Variants in EXOC2 observed in about 807,000 individuals in gnomAD.
EXOC2 encodes SEC5-like 1.
EXOC2 carries 70 observed loss-of-function variants against 131.8 expected under a neutral mutation model. That is an observed-to-expected ratio of 0.53 (90% confidence interval 0.44 to 0.65). The LOEUF (loss-of-function observed/expected upper bound fraction) is 0.65, where lower values mean the gene tolerates loss of function less well. Ranked by LOEUF, EXOC2 falls within the 30% of genes least tolerant of loss-of-function variation. The pLI is 0.00. For missense variants in EXOC2, 923 were observed against 1,108.6 expected (o/e 0.83, Z 2.38); for synonymous variants, 411 against 398.4 (o/e 1.03, Z -0.38).
chr6:515,616 C>G (rs1405561019), intron 23 of EXOC2, among the ~76,000 whole-genome samples: 4 of 151,290 alleles, frequency 2.6e-5, no homozygotes, highest in African/African-American at 9.7e-5. Flanking sequence ...CGTAATCATA[C>G]AACGATTTCC....
intron 21 of EXOC2, among the ~76,000 whole-genome samples, chr6:552,441 A>G (rs527505861): frequency 9.8e-5 from 15 of 152,372 alleles, no homozygotes; most frequent in South Asian, 4.1e-4. Flanking sequence ...CTGGGTGAAC[A>G]GAAGAACCAG....
chr6:597,360 A>G (rs1759876510), intron 10 of EXOC2, among the ~76,000 whole-genome samples: 1 of 151,932 alleles, frequency 6.6e-6, no homozygotes, highest in African/African-American at 2.4e-5. Context: ...TATTTTTAGT[A>G]GAGATGGGGT....
chr6:596,170 A>G (rs1384355690), intron 10 of EXOC2, among the ~76,000 whole-genome samples: 1 of 151,838 alleles, frequency 6.6e-6, no homozygotes, highest in African/African-American at 2.4e-5. Flanking sequence ...GGGTGGCAGC[A>G]TGCAAACACA....
intron 2 of EXOC2, among the ~76,000 whole-genome samples, 190 bp downstream of exon 2, chr6:637,511 T>C (rs750010865): frequency 1.2e-4 from 18 of 152,244 alleles, no homozygotes; most frequent in Non-Finnish European, 2.4e-4. Context: ...TAAGGCAAGA[T>C]TTGACAAAAT....
intron 22 of EXOC2, among the ~76,000 whole-genome samples, chr6:538,478 A>G (rs1766596499): frequency 6.6e-6 from 1 of 152,196 alleles, no homozygotes; most frequent in East Asian, 1.9e-4. Flanking sequence ...CAGTCTTATA[A>G]AGTGATGTGT....
chr6:548,608 T>C (rs952992629), intron 22 of EXOC2, among the ~76,000 whole-genome samples: 2 of 151,822 alleles, frequency 1.3e-5, no homozygotes, highest in African/African-American at 4.8e-5. Context: ...GATTGGAGAG[T>C]GGGGAGGACA....
chr6:655,452 T>G (rs1278215126), intron 1 of EXOC2, among the ~76,000 whole-genome samples: 1 of 152,268 alleles, frequency 6.6e-6, no homozygotes, highest in East Asian at 1.9e-4. Flanking sequence ...ATTTGCTTTT[T>G]GCAGTGGTCT....
intron 7 of EXOC2, among the ~76,000 whole-genome samples, chr6:603,168 G>T (rs1445478112): frequency 6.6e-6 from 1 of 152,102 alleles, no homozygotes; most frequent in Non-Finnish European, 1.5e-5. Flanking sequence ...CAGAAGGAAC[G>T]CCCCCTCACC....
chr6:587,910 A>C (rs943954970), intron 11 of EXOC2, among the ~76,000 whole-genome samples: 1 of 152,242 alleles, frequency 6.6e-6, no homozygotes, highest in Non-Finnish European at 1.5e-5. Context: ...TAAGAATTAC[A>C]TACTGAATTA....
chr6:541,702 A>G (rs1329578929), intron 22 of EXOC2, among the ~76,000 whole-genome samples: 2 of 152,250 alleles, frequency 1.3e-5, no homozygotes, highest in African/African-American at 4.8e-5. Flanking sequence ...AAATGGGCAA[A>G]GTCCTAGAAA....
At chr6:504,635 A>G (rs1459283107) in intron 23 of EXOC2, among the ~76,000 whole-genome samples, 1 of 152,214 alleles carries the variant, frequency 6.6e-6, no homozygotes, top group Non-Finnish European at 1.5e-5. Context: ...ACCCTACACC[A>G]ATCGTATGAC....
chr6:487,483 T>G (rs1763142891), intron 27 of EXOC2, among the ~76,000 whole-genome samples: 1 of 152,216 alleles, frequency 6.6e-6, no homozygotes, highest in Non-Finnish European at 1.5e-5. Context: ...TTCGGCTCAC[T>G]GCAACCTCCA....
At chr6:594,814 A>C (rs1328902303) in intron 10 of EXOC2, among the ~76,000 whole-genome samples, 1 of 152,210 alleles carries the variant, frequency 6.6e-6, no homozygotes, top group Admixed American at 6.5e-5. Flanking sequence ...CTCTTCAAAT[A>C]AGTTTCTTGT....
chr6:648,987 A>G (rs1448077670), intron 1 of EXOC2, among the ~76,000 whole-genome samples: 4 of 152,078 alleles, frequency 2.6e-5, no homozygotes, highest in African/African-American at 7.2e-5. Flanking sequence ...TGCTGGGATT[A>G]CAGGCATGAG....
intron 13 of EXOC2, among the ~76,000 whole-genome samples, chr6:566,394 A>T (rs2127588145): frequency 6.6e-6 from 1 of 152,344 alleles, no homozygotes; most frequent in Non-Finnish European, 1.5e-5. Flanking sequence ...CTGAGACAGC[A>T]GCAGGTGAGC....
chr6:532,438 C>A, intron 23 of EXOC2, 31 bp downstream of exon 23: 1 of 1,508,458 alleles, frequency 6.6e-7, no homozygotes, highest in Non-Finnish European at 8.8e-7. Flanking sequence ...AGTATATCCA[C>A]ATCTATTACT....
At chr6:635,265 T>C (rs917843844) in intron 2 of EXOC2, among the ~76,000 whole-genome samples, 1 of 152,234 alleles carries the variant, frequency 6.6e-6, no homozygotes, top group Non-Finnish European at 1.5e-5. Context: ...ATTTCAGATA[T>C]AAAGTATTAA....
At chr6:683,137 C>A (rs796977044) in intron 1 of EXOC2, among the ~76,000 whole-genome samples, 1 of 152,174 alleles carries the variant, frequency 6.6e-6, no homozygotes, top group African/African-American at 2.4e-5. Context: ...CCAAGCTAAA[C>A]AGACTGACCT....
chr6:581,431 A>C (rs974875735), intron 11 of EXOC2, among the ~76,000 whole-genome samples: 3 of 152,244 alleles, frequency 2.0e-5, no homozygotes, highest in Non-Finnish European at 4.4e-5. Context: ...TTGTAAGATC[A>C]AAAACATTTG....
Sources: gnomAD v4.1 joint callset for allele counts (sites outside exome capture counted in the v4.1 genomes callset) on GRCh38, gnomAD v4.1.1 for gene constraint, MANE v1.5 for transcripts, NCBI Gene and HGNC (gene_info 2026-07-23, HGNC 2026-07-21) for gene names.